The following MYOM2 variants were observed in gnomAD, a reference collection of about 807,000 sequenced individuals.
The protein encoded by MYOM2 is myomesin 2.
Under a neutral mutation model 187.6 loss-of-function variants are expected in MYOM2, and 254 were observed. That is an observed-to-expected ratio of 1.35 (90% confidence interval 1.22 to 1.50). The LOEUF (loss-of-function observed/expected upper bound fraction) is 1.50, where lower values mean the gene tolerates loss of function less well. Among genes scored for constraint, MYOM2 ranks in the 40% most tolerant of loss-of-function variants. The probability of loss-of-function intolerance (pLI) is 0.00; values close to 1 mark genes in which losing one functional copy is unlikely to be tolerated. For synonymous variants in MYOM2, 981 were observed against 753.8 expected (o/e 1.30, Z -4.94); for missense variants, 2,796 against 1,924.0 (o/e 1.45, Z -8.48).
At chr8:2,097,881 A>G (rs554587813) in intron 18 of MYOM2, among the ~76,000 whole-genome samples, 1 of 152,302 alleles carries the variant, frequency 6.6e-6, no homozygotes, top group African/African-American at 2.4e-5. Flanking sequence ...CTAAATCATC[A>G]CCACGCTGTG....
chr8:2,085,390 G>C lies in MYOM2; in HGVS notation c.1644G>C (p.Lys548Asn), dbSNP rs755520055. 1 of 1,613,912 alleles carries C rather than the reference G, an allele frequency of 6.2e-7. No homozygotes were observed. Among genetic ancestry groups the C allele is most frequent in the Non-Finnish European group, 8.5e-7 (1 of 1,179,930 alleles). ...ACCCGCTCATGTACTTCATTGAGAA[G>C]GTAAACTCCGGGCCCGTGTCCTGGA... ...GKDPLMYFIE[K>N]SVVGSGSWQR... Residue 548 changes from lysine to asparagine, a missense_variant and splice_region_variant, in exon 14 of 37, where the codon AAG (lysine) becomes AAC (asparagine). Physicochemically the swap from Lys to Asn is moderately conservative, Grantham distance 94. Transcript: ENST00000262113.
chr8:2,132,627 C>T (rs932424561), intron 32 of MYOM2, among the ~76,000 whole-genome samples: 2 of 152,070 alleles, frequency 1.3e-5, no homozygotes, highest in Admixed American at 6.6e-5. Flanking sequence ...TGCTCTGTCA[C>T]CCGGGCTGGA....
At chr8:2,144,597 TC>T in intron 36 of MYOM2, 66 bp from the exon 37 acceptor site, 2 of 1,521,366 alleles carry the variant, frequency 1.3e-6, no homozygotes, top group Non-Finnish European at 1.8e-6. Flanking sequence ...GAGCCCACCG[TC>T]CGAGGGGGTG....
At chr8:2,081,273 G>A (rs13250255) in intron 13 of MYOM2, among the ~76,000 whole-genome samples, 10 of 128,538 alleles carry the variant, frequency 7.8e-5, no homozygotes, top group African/African-American at 2.3e-4. Context: ...ATGAGGTTTG[G>A]TTCTGGCCTG....
intron 5 of MYOM2, among the ~76,000 whole-genome samples, chr8:2,058,772 C>A (rs1216561135): frequency 6.6e-6 from 1 of 152,112 alleles, no homozygotes; most frequent in Non-Finnish European, 1.5e-5. Flanking sequence ...CTTCCTTTCA[C>A]CAGGGTCAGT....
chr8:2,082,995 C>A (rs1340731152), intron 13 of MYOM2, among the ~76,000 whole-genome samples: 1 of 152,116 alleles, frequency 6.6e-6, no homozygotes, highest in Non-Finnish European at 1.5e-5. Context: ...GCTGTGCGAT[C>A]TTAGGAAAGT....
At chr8:2,060,862 C>T (rs1818829407) in intron 6 of MYOM2, among the ~76,000 whole-genome samples, 1 of 152,076 alleles carries the variant, frequency 6.6e-6, no homozygotes, top group South Asian at 2.1e-4. Flanking sequence ...GGGATTCTTG[C>T]TCTGGGGGAG....
chr8:2,053,173 T>G (rs1818548580), intron 3 of MYOM2, among the ~76,000 whole-genome samples: 1 of 152,236 alleles, frequency 6.6e-6, no homozygotes, highest in Non-Finnish European at 1.5e-5. Context: ...TCTTTCATTT[T>G]GAAAGTTTCA....
chr8:2,077,038 A>G (rs1241477074), intron 11 of MYOM2, among the ~76,000 whole-genome samples: 1 of 152,218 alleles, frequency 6.6e-6, no homozygotes, highest in African/African-American at 2.4e-5. Flanking sequence ...CTGGCTGGGC[A>G]CGGTGGCTCA....
At chr8:2,089,866 A>C in intron 14 of MYOM2, 142 bp from the exon 15 acceptor site, 1 of 606,564 alleles carries the variant, frequency 1.6e-6, no homozygotes, top group Non-Finnish European at 2.7e-6. Flanking sequence ...AAAAAGATGC[A>C]TGACCATCCT....
At chr8:2,092,572 C>A (rs777795857) in intron 16 of MYOM2, 52 bp downstream of exon 16, 9 of 1,584,038 alleles carry the variant, frequency 5.7e-6, no homozygotes, top group Non-Finnish European at 7.7e-6. Context: ...GTAGCAAGAC[C>A]GTTGAGGTCC....
intron 32 of MYOM2, among the ~76,000 whole-genome samples, chr8:2,131,116 C>T (rs1585963686): frequency 2.0e-5 from 3 of 152,300 alleles, no homozygotes; most frequent in East Asian, 3.9e-4. Flanking sequence ...ATTAAACACA[C>T]ACCCACACAC....
At position 2,094,162 on chromosome 8, in the gene MYOM2, G is replaced by T. The variant is rs112771743; in HGVS notation, c.2125+71G>T. 6.6e-4 allele frequency: 1,029 copies of T among 1,566,710 alleles called. 7 individuals are homozygous for T. In the African/African-American group the frequency reaches 0.013, roughly 19 times the overall value. On this transcript the variant is annotated intron_variant, in intron 17 of 36. Transcript: ENST00000262113. ...GTCATTTCTGCATGAATAAACATTT[G>T]TGATGCCATTTGGAATGTCATTGAA... is the stretch of plus-strand genomic sequence containing the variant.
At chr8:2,106,210 T>G in intron 21 of MYOM2, 32 bp from the exon 22 acceptor site, 5 of 1,608,496 alleles carry the variant, frequency 3.1e-6, no homozygotes, top group Non-Finnish European at 4.3e-6. Flanking sequence ...ACCGTGTCCC[T>G]AAGCCGCTCA....
intron 11 of MYOM2, among the ~76,000 whole-genome samples, chr8:2,078,482 T>C (rs1359298401): frequency 6.6e-6 from 1 of 152,170 alleles, no homozygotes; most frequent in East Asian, 1.9e-4. Flanking sequence ...TCTTCAGCTA[T>C]AAATTATTAA....
At position 2,067,869 on chromosome 8, in the gene MYOM2, T is replaced by G. The variant is rs372704133; in HGVS notation, c.654-1409T>G. Among the ~76,000 whole-genome samples, 16 of 152,290 alleles carry G rather than the reference T, an allele frequency of 1.1e-4. No individual in the cohort carries two copies. The South Asian group carries it at 3.3e-3, about 32-fold the overall frequency. On this transcript the variant is annotated intron_variant, in intron 6 of 36. Coordinates refer to ENST00000262113, the MANE Select transcript of MYOM2 (RefSeq NM_003970.4). ...ATTCATGTCTTGGGATCATATTACT[T>G]TGGGATTCTGGATGTAGCCTCTTAT...
chr8:2,086,488 T>TGTGGCCCCCCACTGTTGTGATCTCTGC (rs1796073972), intron 14 of MYOM2, among the ~76,000 whole-genome samples: 1 of 61,026 alleles, frequency 1.6e-5, no homozygotes, highest in Non-Finnish European at 3.7e-5. Flanking sequence ...ATGATCTCTG[T>TGTGGCCCCCCACTGTTGTGATCTCTGC]GTGGCCCCCC....
At position 2,069,276 on chromosome 8, in the gene MYOM2, A is replaced by T. The variant is rs1230205397; in HGVS notation, c.654-2A>T. On this transcript the variant is annotated splice_acceptor_variant, in intron 6 of 36. Coordinates refer to ENST00000262113, the MANE Select transcript of MYOM2 (RefSeq NM_003970.4). LOFTEE classifies it high-confidence loss of function. ...ACTTTCTCTTGTTTTTTTCTCTCCA[A>T]GGGCAGACTTTGACGACACTGCGAC... is the stretch of plus-strand genomic sequence containing the variant. 1 of 1,609,138 alleles carries T rather than the reference A, an allele frequency of 6.2e-7. No homozygotes were observed. The highest frequency in any genetic ancestry group is 1.1e-5 in the South Asian group (1 of 90,788).
chr8:2,096,475 G>A (rs923454669), intron 18 of MYOM2, 41 bp downstream of exon 18: 3 of 1,588,810 alleles, frequency 1.9e-6, no homozygotes, highest in Non-Finnish European at 1.7e-6. Context: ...TTGCCTGGGT[G>A]GTTCTTTACA....
Sources: gnomAD v4.1 joint callset for allele counts (sites outside exome capture counted in the v4.1 genomes callset) on GRCh38, gnomAD v4.1.1 for gene constraint, MANE v1.5 for transcripts, NCBI Gene and HGNC (gene_info 2026-07-23, HGNC 2026-07-21) for gene names.